The following TRPM7 variants were observed in gnomAD, a reference collection of about 807,000 sequenced individuals.
TRPM7 encodes the protein transient receptor potential cation channel subfamily M member 7, also known as LTRPC ion channel family member 7.
Under a neutral mutation model 229.7 loss-of-function variants are expected in TRPM7, and 134 were observed. That is an observed-to-expected ratio of 0.58 (90% CI 0.51 to 0.67). The LOEUF (loss-of-function observed/expected upper bound fraction) is 0.67, where lower values mean the gene tolerates loss of function less well. Ranked by LOEUF, TRPM7 falls within the 30% of genes least tolerant of loss-of-function variation. The probability of loss-of-function intolerance (pLI) is 0.00; values close to 1 mark genes in which losing one functional copy is unlikely to be tolerated. For synonymous variants in TRPM7, 699 were observed against 715.2 expected (o/e 0.98, Z 0.36); for missense variants, 1,901 against 2,210.0 (o/e 0.86, Z 2.80).
chr15:50,624,154 A>G lies in TRPM7; in HGVS notation c.1440+12T>C. On this transcript the variant is annotated intron_variant, in intron 12 of 38. Coordinates refer to ENST00000646667, the MANE Select transcript of TRPM7 (RefSeq NM_017672.6). Reference sequence around the variant, plus strand: ...AAAATGTAGTCAATAAAGAATTTTAATGTAGACTTACAGTGTTGTAAAGTT... The same window carrying G: ...AAAATGTAGTCAATAAAGAATTTTAGTGTAGACTTACAGTGTTGTAAAGTT... 6.3e-7 allele frequency: 1 copy of G among 1,590,668 alleles called. No individual in the cohort carries two copies. Among genetic ancestry groups the G allele is most frequent in the African/African-American group, 1.4e-5 (1 of 73,762 alleles).
rs1302915939 is a variant in TRPM7 at position 50,611,187 on chromosome 15, C to G, written c.2186G>C (p.Arg729Thr). Reference sequence around the variant, plus strand: ...GGTGTGAGCTACAAAAGGTCTAAGTCTTGAAGAAACTGCTAACTTAAGGCA... The same window carrying G: ...GGTGTGAGCTACAAAAGGTCTAAGTGTTGAAGAAACTGCTAACTTAAGGCA... ...STCLKLAVSSRLRPFVAHTCT... is the reference protein window; with the variant it reads ...STCLKLAVSSTLRPFVAHTCT... The change falls in exon 17 of 39, where the codon AGA becomes ACA. Residue 729 changes from arginine to threonine, a missense_variant. Physicochemically the swap from Arg to Thr is moderately conservative, Grantham distance 71 (BLOSUM62 -1). Coordinates refer to ENST00000646667, the MANE Select transcript of TRPM7 (RefSeq NM_017672.6). 6.2e-7 allele frequency: 1 copy of G among 1,613,822 alleles called. No individual in the cohort carries two copies. Among genetic ancestry groups the G allele is most frequent in the East Asian group, 2.2e-5 (1 of 44,850 alleles).
chr15:50,668,902 G>A (rs867259351), intron 1 of TRPM7, among the ~76,000 whole-genome samples: 1 of 152,212 alleles, frequency 6.6e-6, no homozygotes, highest in South Asian at 2.1e-4. Flanking sequence ...GGCTTTGACT[G>A]GAATGATGTG....
chr15:50,621,171 A>C (rs1315946660), intron 12 of TRPM7, among the ~76,000 whole-genome samples: 2 of 151,408 alleles, frequency 1.3e-5, no homozygotes, highest in African/African-American at 2.4e-5. Flanking sequence ...AAAAAAAAAA[A>C]AAAAAAAAAA....
chr15:50,631,515 T>C (rs756543536), intron 9 of TRPM7, 26 bp from the exon 10 acceptor site: 22 of 1,466,592 alleles, frequency 1.5e-5, no homozygotes, highest in Non-Finnish European at 2.0e-5. Flanking sequence ...TTTATAACAT[T>C]ATGCCTTTAT....
intron 28 of TRPM7, among the ~76,000 whole-genome samples, chr15:50,585,147 C>T (rs1369545166): frequency 6.7e-6 from 1 of 150,102 alleles, no homozygotes; most frequent in Non-Finnish European, 1.5e-5. Context: ...CTGCAAGCTC[C>T]GCTTCCCGGG....
intron 36 of TRPM7, among the ~76,000 whole-genome samples, chr15:50,571,318 T>G (rs2053874801): frequency 6.6e-6 from 1 of 152,232 alleles, no homozygotes; most frequent in Non-Finnish European, 1.5e-5. Flanking sequence ...CTCTGGCAGT[T>G]GTTATTAAAA....
At chr15:50,621,157 C>CA (rs35848629) in intron 12 of TRPM7, among the ~76,000 whole-genome samples, 12,341 of 49,952 alleles carry the variant, frequency 0.25, 1,684 homozygotes, top group Admixed American at 0.31. Flanking sequence ...GACTCCGTCT[C>CA]AAAAAAAAAA....
intron 2 of TRPM7, among the ~76,000 whole-genome samples, chr15:50,659,960 C>G (rs767496458): frequency 6.6e-6 from 1 of 152,044 alleles, no homozygotes; most frequent in Non-Finnish European, 1.5e-5. Context: ...CCACCACACC[C>G]GACCAACAAA....
At chr15:50,675,162 G>A (rs2062066612) in intron 1 of TRPM7, among the ~76,000 whole-genome samples, 1 of 152,100 alleles carries the variant, frequency 6.6e-6, no homozygotes, top group African/African-American at 2.4e-5. Context: ...GGCCAACATG[G>A]TGAAACCCAG....
At chr15:50,604,682 T>A (rs540120438) in intron 21 of TRPM7, 184 bp downstream of exon 21, 11 of 537,812 alleles carry the variant, frequency 2.0e-5, no homozygotes, top group African/African-American at 1.3e-4. Context: ...AAGCACTAAA[T>A]GGGTATAGGG....
chr15:50,563,397 C>T (rs28440118), intron 38 of TRPM7, among the ~76,000 whole-genome samples: 10,978 of 152,268 alleles, frequency 0.072, 607 homozygotes, highest in African/African-American at 0.16. Flanking sequence ...AGAGGAACAT[C>T]ATCAGATTTG....
At chr15:50,663,396 G>T (rs1310980768) in intron 1 of TRPM7, among the ~76,000 whole-genome samples, 1 of 152,160 alleles carries the variant, frequency 6.6e-6, no homozygotes, top group Non-Finnish European at 1.5e-5. Context: ...AAAGTGGTGG[G>T]ATTACAGGCG....
At chr15:50,647,788 T>C (rs1162580748) in intron 4 of TRPM7, among the ~76,000 whole-genome samples, 2 of 152,114 alleles carry the variant, frequency 1.3e-5, no homozygotes, top group Admixed American at 1.3e-4. Flanking sequence ...CTTCTGTATC[T>C]GTGGGATCCA....
chr15:50,597,190 C>T (rs2059656253), intron 22 of TRPM7, among the ~76,000 whole-genome samples: 2 of 152,062 alleles, frequency 1.3e-5, no homozygotes, highest in Non-Finnish European at 2.9e-5. Flanking sequence ...TTTTTCATTA[C>T]CCCTAACTGA....
intron 27 of TRPM7, chr15:50,588,190 C>A: frequency 2.0e-6 from 2 of 982,572 alleles, no homozygotes; most frequent in South Asian, 4.7e-5. Context: ...AGAGACTTTA[C>A]CTCATATTTA....
At position 50,599,485 on chromosome 15, in the gene TRPM7, A is replaced by T. The variant is rs1344549808; in HGVS notation, c.2989-189T>A. On this transcript the variant is annotated intron_variant, in intron 21 of 38. Transcript: ENST00000646667. ...CTATATAAATCTTAACATCTAGGAG[A>T]TTACGTAAAAAAAAATCTATTAAGC... is the stretch of plus-strand genomic sequence containing the variant. 6.9e-6 allele frequency: 3 copies of T among 432,122 alleles called. No homozygotes were observed. In the East Asian group the frequency reaches 1.0e-4, roughly 15 times the overall value. The allele number at this position is 432,122 out of a possible 1,614,324, so 26.8% of individuals were successfully genotyped here.
intron 36 of TRPM7, among the ~76,000 whole-genome samples, chr15:50,573,596 G>A (rs2053992478): frequency 6.6e-6 from 1 of 152,094 alleles, no homozygotes; most frequent in Non-Finnish European, 1.5e-5. Flanking sequence ...TAAATTTTTA[G>A]GTAGTTTAGT....
Position 50,631,493 on chromosome 15 carries a change from T to C in TRPM7, c.1132-4A>G. ...ACCCAATATGGAAAACAGTGATCTA[T>C]TTAAAGATAAATTTATAACATTATG... On this transcript the variant is annotated splice_polypyrimidine_tract_variant and splice_region_variant and intron_variant, in intron 9 of 38. Transcript: ENST00000646667. 6.3e-7 allele frequency: 1 copy of C among 1,581,106 alleles called. No homozygotes were observed. The highest frequency in any genetic ancestry group is 1.1e-5 in the South Asian group (1 of 89,706).
Position 50,670,860 on chromosome 15 carries a change from C to A in TRPM7, c.4-7814G>T, listed in dbSNP as rs544273803. 6.0e-5 allele frequency among the ~76,000 whole-genome samples: 9 copies of A among 150,594 alleles called. No individual in the cohort carries two copies. The South Asian group carries it at 1.7e-3, about 28-fold the overall frequency. ...TAATAAGAGGATACTATCAACAACT[C>A]TGTGCCAAAACGTGTCAAAACATAT... On this transcript the variant is annotated intron_variant, in intron 1 of 38. Transcript: ENST00000646667.
Sources: gnomAD v4.1 joint callset for allele counts (sites outside exome capture counted in the v4.1 genomes callset) on GRCh38, gnomAD v4.1.1 for gene constraint, MANE v1.5 for transcripts, NCBI Gene and HGNC (gene_info 2026-07-23, HGNC 2026-07-21) for gene names.